CSMD1: variants seen among roughly 807,000 people sequenced by gnomAD.
CSMD1 encodes the protein CUB and Sushi multiple domains 1, also known as CUB and sushi domain-containing protein 1.
In CSMD1, 213 loss-of-function variants were observed where a neutral mutation model predicts 417.5. The ratio of observed to expected loss-of-function variants is 0.51; its 90% confidence interval spans 0.46 to 0.57. The LOEUF is 0.57. Ranked by LOEUF, CSMD1 falls within the 20% of genes least tolerant of loss-of-function variation. The pLI, the probability that CSMD1 is intolerant of heterozygous loss-of-function variation, is 0.00. For synonymous variants in CSMD1, 2,862 were observed against 1,736.8 expected (o/e 1.65, Z -16.11); for missense variants, 6,923 against 4,529.7 (o/e 1.53, Z -15.17).
chr8:3,944,026 T>C (rs150600014), intron 5 of CSMD1, among the ~76,000 whole-genome samples: 1 of 152,254 alleles, frequency 6.6e-6, no homozygotes, highest in African/African-American at 2.4e-5. Flanking sequence ...AGTTATACTG[T>C]GGTTGTGAAA....
At chr8:4,074,141 G>A (rs138135088) in intron 3 of CSMD1, among the ~76,000 whole-genome samples, 5 of 152,010 alleles carry the variant, frequency 3.3e-5, no homozygotes, top group East Asian at 1.9e-4. Flanking sequence ...TGCTCTCCAC[G>A]TAAACATATA....
chr8:4,434,138 G>C (rs953906731), intron 2 of CSMD1, among the ~76,000 whole-genome samples: 2 of 152,184 alleles, frequency 1.3e-5, no homozygotes, highest in East Asian at 1.9e-4. Context: ...AGGAGTTTGA[G>C]AACAGCTTGG....
intron 3 of CSMD1, among the ~76,000 whole-genome samples, chr8:4,142,318 C>T (rs1160498703): frequency 6.6e-6 from 1 of 151,084 alleles, no homozygotes; most frequent in Non-Finnish European, 1.5e-5. Context: ...CTATCTTTAT[C>T]CACCTCATTA....
intron 1 of CSMD1, among the ~76,000 whole-genome samples, chr8:4,875,812 C>A (rs1803006975): frequency 6.6e-6 from 1 of 151,826 alleles, no homozygotes; most frequent in Admixed American, 6.6e-5. Flanking sequence ...TAAAAATGAA[C>A]ACACAGAGAC....
At chr8:4,207,868 A>C (rs948838002) in intron 3 of CSMD1, among the ~76,000 whole-genome samples, 11 of 152,270 alleles carry the variant, frequency 7.2e-5, no homozygotes, top group Admixed American at 2.6e-4. Context: ...GGTTCCATAT[A>C]GGTGGAGAAA....
chr8:3,087,874 T>C (rs1042497446), intron 48 of CSMD1, among the ~76,000 whole-genome samples: 21 of 152,210 alleles, frequency 1.4e-4, no homozygotes, highest in African/African-American at 5.1e-4. Context: ...CAAGACATCA[T>C]ATTTGAAACA....
At chr8:4,196,458 T>C (rs1340719568) in intron 3 of CSMD1, among the ~76,000 whole-genome samples, 2 of 152,178 alleles carry the variant, frequency 1.3e-5, no homozygotes, top group Admixed American at 6.5e-5. Context: ...AGGGAAAATC[T>C]GTCCAATGCC....
chr8:3,421,007 A>G (rs1243647466), intron 12 of CSMD1, among the ~76,000 whole-genome samples: 2 of 152,220 alleles, frequency 1.3e-5, no homozygotes, highest in East Asian at 3.8e-4. Flanking sequence ...GATTATTAAA[A>G]AAAAGACACT....
At chr8:3,922,114 A>G (rs1162394963) in intron 5 of CSMD1, among the ~76,000 whole-genome samples, 1 of 148,228 alleles carries the variant, frequency 6.7e-6, no homozygotes, top group Admixed American at 7.0e-5. Flanking sequence ...TGACCCCTTT[A>G]TCATTATATT....
At position 3,493,639 on chromosome 8, in the gene CSMD1, T is replaced by C; in HGVS notation, c.1432A>G (p.Arg478Gly). 1 of 1,610,824 alleles carries C rather than the reference T, an allele frequency of 6.2e-7. No individual in the cohort carries two copies. The highest frequency in any genetic ancestry group is 8.5e-7 in the Non-Finnish European group (1 of 1,178,620). ...VGDAGKVGDT[R>G]SVLYVLTGSS... ...CATACTCACACGTACAAGACCGATC[T>C]GGTGTCTCCCACCTTCCCAGCATCA... is the stretch of plus-strand genomic sequence containing the variant. The change falls in exon 11 of 70, where the codon AGA becomes GGA. Residue 478 changes from arginine (R) to glycine (G), a missense_variant. Physicochemically the swap from Arg to Gly is moderately radical, Grantham distance 125 (BLOSUM62 -2). Transcript: ENST00000635120.
At chr8:4,173,944 C>T (rs928832648) in intron 3 of CSMD1, among the ~76,000 whole-genome samples, 1 of 152,016 alleles carries the variant, frequency 6.6e-6, no homozygotes, top group African/African-American at 2.4e-5. Flanking sequence ...TTCCCTCAGC[C>T]TTGAAACAAA....
intron 5 of CSMD1, among the ~76,000 whole-genome samples, chr8:3,919,085 T>G (rs1809035599): frequency 1.3e-5 from 2 of 151,810 alleles, no homozygotes; most frequent in Non-Finnish European, 2.9e-5. Flanking sequence ...AGGGTGATTT[T>G]TCATTTTGCA....
intron 1 of CSMD1, among the ~76,000 whole-genome samples, chr8:4,667,171 G>A (rs931536722): frequency 1.7e-4 from 26 of 151,922 alleles, no homozygotes; most frequent in African/African-American, 5.8e-4. Flanking sequence ...ATATATGTAG[G>A]CCTATTTGTG....
At chr8:4,373,847 T>G (rs1192130957) in intron 3 of CSMD1, among the ~76,000 whole-genome samples, 3 of 152,206 alleles carry the variant, frequency 2.0e-5, no homozygotes, top group African/African-American at 7.2e-5. Context: ...AGCTTTTCTA[T>G]GTATATGTAT....
At chr8:3,317,651 G>A (rs1298295333) in intron 23 of CSMD1, among the ~76,000 whole-genome samples, 2 of 152,174 alleles carry the variant, frequency 1.3e-5, no homozygotes, top group African/African-American at 4.8e-5. Context: ...TTGTCAGGTA[G>A]AACCAGCCTA....
intron 10 of CSMD1, among the ~76,000 whole-genome samples, chr8:3,518,552 G>GT (rs1227369528): frequency 6.6e-6 from 1 of 152,128 alleles, no homozygotes; most frequent in Non-Finnish European, 1.5e-5. Flanking sequence ...GTAAAATGCA[G>GT]TATCTATGTG....
intron 1 of CSMD1, among the ~76,000 whole-genome samples, chr8:4,778,385 C>A (rs985434461): frequency 6.6e-6 from 1 of 152,124 alleles, no homozygotes; most frequent in Non-Finnish European, 1.5e-5. Context: ...ATTTTCTTCT[C>A]ATTCCTTTCA....
chr8:4,693,624 A>T lies in CSMD1; in HGVS notation c.86-56066T>A, dbSNP rs1455877028. On this transcript the variant is annotated intron_variant, in intron 1 of 69. Transcript: ENST00000635120. ...AAAACAACGGGATTTTTCTCCTTCC[A>T]TTTTTTCAAATGGGTGATCTTTCAT... Among the ~76,000 whole-genome samples, 3 of 152,170 alleles carry T rather than the reference A, an allele frequency of 2.0e-5. No homozygotes were observed. In the East Asian group the frequency reaches 5.8e-4, roughly 29 times the overall value.
intron 3 of CSMD1, among the ~76,000 whole-genome samples, chr8:4,347,645 G>A (rs1217211296): frequency 6.6e-6 from 1 of 152,144 alleles, no homozygotes; most frequent in Non-Finnish European, 1.5e-5. Context: ...ATGAAAGGAG[G>A]AGTGTAATTT....
Sources: gnomAD v4.1 joint callset for allele counts (sites outside exome capture counted in the v4.1 genomes callset) on GRCh38, gnomAD v4.1.1 for gene constraint, MANE v1.5 for transcripts, NCBI Gene and HGNC (gene_info 2026-07-23, HGNC 2026-07-21) for gene names.